NUP43: variants seen among roughly 807,000 people sequenced by gnomAD.
NUP43 encodes nucleoporin Nup43.
Under a neutral mutation model 47.3 loss-of-function variants are expected in NUP43, and 32 were observed. That is an observed-to-expected ratio of 0.68 (90% CI 0.51 to 0.91). The LOEUF is 0.91. NUP43 is among the 40% of genes least tolerant of loss of function. NUP43 has a pLI of 0.00. For missense variants in NUP43, 444 were observed against 453.9 expected (o/e 0.98, Z 0.20); for synonymous variants, 147 against 158.4 (o/e 0.93, Z 0.54).
intron 7 of NUP43, chr6:149,729,416 G>GCAC (rs1374488865): frequency 2.2e-6 from 1 of 455,088 alleles, no homozygotes; most frequent in East Asian, 1.6e-4. Flanking sequence ...TATTAATGGT[G>GCAC]GGTGACTGGA....
intron 7 of NUP43, among the ~76,000 whole-genome samples, chr6:149,731,178 A>C (rs1358186593): frequency 6.6e-6 from 1 of 151,990 alleles, no homozygotes; most frequent in East Asian, 1.9e-4. Flanking sequence ...GCTAAGGCAC[A>C]AGAAAAGCTT....
At chr6:149,730,511 T>C (rs1784982132) in intron 7 of NUP43, among the ~76,000 whole-genome samples, 1 of 152,228 alleles carries the variant, frequency 6.6e-6, no homozygotes, top group Admixed American at 6.5e-5. Context: ...CCATCAGCCA[T>C]ACAGTAGTAA....
chr6:149,746,556 G>A (rs1178078786), upstream of NUP43: 1 of 1,613,054 alleles, frequency 6.2e-7, no homozygotes, highest in East Asian at 2.2e-5. Context: ...TCTCAGCACC[G>A]CCTCTTCCCG....
chr6:149,730,731 G>A (rs945659593), intron 7 of NUP43, among the ~76,000 whole-genome samples: 2 of 151,954 alleles, frequency 1.3e-5, no homozygotes, highest in African/African-American at 2.4e-5. Flanking sequence ...AGGAGTTTGA[G>A]AGCAGCCTGG....
intron 6 of NUP43, among the ~76,000 whole-genome samples, chr6:149,735,887 C>T (rs886729167): frequency 6.7e-6 from 1 of 150,364 alleles, no homozygotes; most frequent in African/African-American, 2.5e-5. Flanking sequence ...GCGGGAGGAT[C>T]ACCTGAGCCC....
rs542504315 is a variant in NUP43 at position 149,738,778 on chromosome 6, T to C, written c.503A>G (p.Asp168Gly). 15 of 1,474,960 alleles carry C rather than the reference T, an allele frequency of 1.0e-5. No homozygotes were observed. In the East Asian group the frequency reaches 3.0e-4, roughly 29 times the overall value. The allele number at this position is 1,474,960 out of a possible 1,614,324, so 91.4% of individuals were successfully genotyped here. A position where few individuals can be genotyped will look rare whatever the true frequency, so the allele number is the denominator to read the frequency against. ...ATGGAGTGTACTACTATCTGCATTGTCTAAAAATTTAAAAAATGGTAGTAT... is the reference window on the plus strand; with the variant it reads ...ATGGAGTGTACTACTATCTGCATTGCCTAAAAATTTAAAAAATGGTAGTAT... ...ADHKEAVRTI[D>G]NADSSTLHAV... Residue 168 changes from aspartate to glycine, a missense_variant and splice_region_variant, in exon 5 of 8, where the codon GAC (aspartate) becomes GGC (glycine). Transcript: ENST00000340413.
At chr6:149,744,093 G>T (rs1359604133) in intron 2 of NUP43, among the ~76,000 whole-genome samples, 1 of 152,090 alleles carries the variant, frequency 6.6e-6, no homozygotes, top group Non-Finnish European at 1.5e-5. Context: ...GCGCAAGATG[G>T]CGAGGCCTCG....
chr6:149,726,967 T>C lies in NUP43; in HGVS notation c.*2A>G. ...ATCTGAAATCTTATAATTATAGTAC[T>C]TCTACGAAAAAAGATGTCTAGTAAC... On this transcript the variant is annotated 3_prime_UTR_variant, in exon 8 of 8. Coordinates refer to ENST00000340413, the MANE Select transcript of NUP43 (RefSeq NM_198887.3). The C allele has an allele frequency of 3.7e-6, 6 of 1,608,594 alleles. No individual in the cohort carries two copies. Among genetic ancestry groups the C allele is most frequent in the Non-Finnish European group, 5.1e-6 (6 of 1,175,114 alleles).
At chr6:149,733,675 G>A (rs1785172420) in intron 6 of NUP43, among the ~76,000 whole-genome samples, 1 of 151,812 alleles carries the variant, frequency 6.6e-6, no homozygotes, top group Admixed American at 6.6e-5. Flanking sequence ...CAAACAACTG[G>A]GCTCAAGAGA....
chr6:149,731,800 C>T, intron 6 of NUP43, 65 bp from the exon 7 acceptor site: 1 of 1,551,190 alleles, frequency 6.4e-7, no homozygotes. Context: ...CATTAAACCC[C>T]CATCTCTAGG....
intron 3 of NUP43, among the ~76,000 whole-genome samples, chr6:149,743,335 C>G (rs1356078626): frequency 1.3e-5 from 2 of 152,082 alleles, no homozygotes; most frequent in Non-Finnish European, 2.9e-5. Flanking sequence ...CGCGGTGGCT[C>G]ACACCTGTAA....
intron 6 of NUP43, among the ~76,000 whole-genome samples, chr6:149,733,941 C>T (rs1249381992): frequency 6.6e-6 from 1 of 151,982 alleles, no homozygotes; most frequent in Non-Finnish European, 1.5e-5. Context: ...TGTCCTGCCT[C>T]TGCCTCCCTA....
At chr6:149,729,400 A>G in intron 7 of NUP43, 1 of 329,044 alleles carries the variant, frequency 3.0e-6, no homozygotes, top group Non-Finnish European at 4.3e-6. Flanking sequence ...CCTTGCCAAT[A>G]GCAGGTATTA....
At chr6:149,747,800 A>G (rs1252649342), upstream of NUP43, among the ~76,000 whole-genome samples, 1 of 152,158 alleles carries the variant, frequency 6.6e-6, no homozygotes, top group African/African-American at 2.4e-5. Context: ...TTTATGTGAT[A>G]TTGGTAGTCC....
intron 4 of NUP43, among the ~76,000 whole-genome samples, chr6:149,741,654 C>T (rs978603459): frequency 6.6e-6 from 1 of 151,358 alleles, no homozygotes; most frequent in Non-Finnish European, 1.5e-5. Flanking sequence ...TACAGATGCA[C>T]ACCACCTCAC....
chr6:149,747,283 C>G (rs1001041383), upstream of NUP43, among the ~76,000 whole-genome samples: 10 of 151,776 alleles, frequency 6.6e-5, no homozygotes, highest in African/African-American at 2.4e-4. Flanking sequence ...AAATCAACAC[C>G]ATTTTTTTTC....
chr6:149,735,094 A>C (rs1219010406), intron 6 of NUP43, among the ~76,000 whole-genome samples: 1 of 152,096 alleles, frequency 6.6e-6, no homozygotes, highest in Non-Finnish European at 1.5e-5. Context: ...GTGGGGTCTC[A>C]CTATATTGTC....
chr6:149,728,231 C>T (rs1784877336), intron 7 of NUP43: 3 of 982,526 alleles, frequency 3.1e-6, no homozygotes, highest in Non-Finnish European at 3.6e-6. Flanking sequence ...ATATGTTTTA[C>T]TTTTTCACAG....
chr6:149,729,941 A>AC (rs1784949659), intron 7 of NUP43, among the ~76,000 whole-genome samples: 1 of 151,590 alleles, frequency 6.6e-6, no homozygotes, highest in Non-Finnish European at 1.5e-5. Context: ...AAACACATAA[A>AC]CCCCGATTAC....
Sources: gnomAD v4.1 joint callset for allele counts (sites outside exome capture counted in the v4.1 genomes callset) on GRCh38, gnomAD v4.1.1 for gene constraint, MANE v1.5 for transcripts, NCBI Gene and HGNC (gene_info 2026-07-23, HGNC 2026-07-21) for gene names.